The following PHACTR2 variants were observed in gnomAD, a reference collection of about 807,000 sequenced individuals.
PHACTR2 encodes the protein chromosome 6 open reading frame 56.
Under a neutral mutation model 76.0 loss-of-function variants are expected in PHACTR2, and 30 were observed. The observed-to-expected ratio is 0.39, with a 90% CI of 0.30 to 0.54. The LOEUF (loss-of-function observed/expected upper bound fraction) is 0.54. PHACTR2 is among the 20% of genes least tolerant of loss of function. PHACTR2 has a pLI of 0.61. For missense variants in PHACTR2, 696 were observed against 781.1 expected (o/e 0.89, Z 1.30); for synonymous variants, 292 against 292.5 (o/e 1.00, Z 0.02).
intron 1 of PHACTR2, among the ~76,000 whole-genome samples, chr6:143,590,798 G>A (rs944512715): frequency 6.6e-6 from 1 of 152,114 alleles, no homozygotes; most frequent in African/African-American, 2.4e-5. Flanking sequence ...CAGGCCTCTA[G>A]ACCCTTCCCT....
chr6:143,790,619 T>C (rs972790660), intron 11 of PHACTR2, among the ~76,000 whole-genome samples: 1 of 152,172 alleles, frequency 6.6e-6, no homozygotes, highest in African/African-American at 2.4e-5. Flanking sequence ...TTCTGATTCA[T>C]AGGAGTTCTT....
chr6:143,724,890 T>G (rs1293925630), intron 2 of PHACTR2, among the ~76,000 whole-genome samples: 1 of 152,248 alleles, frequency 6.6e-6, no homozygotes, highest in African/African-American at 2.4e-5. Context: ...GTATTCATTC[T>G]GACAGCTCCA....
At chr6:143,665,049 T>G (rs1221051965) in intron 1 of PHACTR2, among the ~76,000 whole-genome samples, 1 of 152,136 alleles carries the variant, frequency 6.6e-6, no homozygotes, top group Non-Finnish European at 1.5e-5. Flanking sequence ...TCTGCCAGCC[T>G]CGGCCTCCCA....
rs1777299262 is a variant in PHACTR2 at position 143,678,293 on chromosome 6, T to C, written c.46+84T>C. ...GCCCCGGGGCAGGCAGGGTTAGTCGTCTGGTCGGGTTCCGCTCGGACCCGC... is the reference window on the plus strand; with the variant it reads ...GCCCCGGGGCAGGCAGGGTTAGTCGCCTGGTCGGGTTCCGCTCGGACCCGC... On this transcript the variant is annotated intron_variant, in intron 1 of 12. Coordinates refer to ENST00000440869, the MANE Select transcript of PHACTR2 (RefSeq NM_001100164.2). The surrounding 1 kb of genome is among the most constrained non-coding windows in gnomAD (Gnocchi z 6.2). The C allele has an allele frequency of 3.1e-6, 4 of 1,286,500 alleles. No individual in the cohort carries two copies. The South Asian group carries it at 7.1e-5, about 23-fold the overall frequency. The allele number at this position is 1,286,500 out of a possible 1,614,324, so 79.7% of individuals were successfully genotyped here.
rs1174842518 is a variant in PHACTR2, at chr6:143,654,451, A to G, written c.13+46129A>G. Among the ~76,000 whole-genome samples, 3 of 152,176 alleles carry G rather than the reference A, an allele frequency of 2.0e-5. No homozygotes were observed. The highest frequency in any genetic ancestry group is 1.3e-4 in the Admixed American group (2 of 15,264). On this transcript the variant is annotated intron_variant, in intron 1 of 11. Coordinates refer to the PHACTR2 transcript ENST00000305766. This position sits in a 1 kb window ranked among gnomAD's most constrained non-coding sequence, Gnocchi z 4.6. Reference sequence around the variant, plus strand: ...TGGAAACAACCCAAATGTTCATCAAACTGATGAATTCGTAAATAAAATATA... The same window carrying G: ...TGGAAACAACCCAAATGTTCATCAAGCTGATGAATTCGTAAATAAAATATA...
rs577491461 is a variant in PHACTR2 at position 143,733,526 on chromosome 6, G to A, written c.215-15459G>A. Among the ~76,000 whole-genome samples the A allele has an allele frequency of 4.6e-5, 7 of 152,276 alleles. No homozygotes were observed. The East Asian group carries it at 9.6e-4, about 21-fold the overall frequency. On this transcript the variant is annotated intron_variant, in intron 2 of 12. Coordinates refer to ENST00000440869, the MANE Select transcript of PHACTR2 (RefSeq NM_001100164.2). The surrounding 1 kb of genome is among the most constrained non-coding windows in gnomAD (Gnocchi z 4.0). ...GGAAAGTGCTGGATTTGGGGTGAGG[G>A]GTAGGGAATGACTGCTTGTTTTCAA...
chr6:143,738,941 C>T lies in PHACTR2; in HGVS notation c.215-10044C>T, dbSNP rs1474697572. Among the ~76,000 whole-genome samples, 1 of 152,124 alleles carries T rather than the reference C, an allele frequency of 6.6e-6. No individual in the cohort carries two copies. Among genetic ancestry groups the T allele is most frequent in the African/African-American group, 2.4e-5 (1 of 41,402 alleles). On this transcript the variant is annotated intron_variant, in intron 2 of 12. Transcript: ENST00000440869. This position sits in a 1 kb window ranked among gnomAD's most constrained non-coding sequence, Gnocchi z 4.0. ...TGAAATGTGTAGATTGAAAGCAGAT[C>T]ATGGAGAAGGGTGTTAGAAGTTCAG...
rs1466509317 is a variant in PHACTR2 at position 143,783,255 on chromosome 6, A to T, written c.1682A>T (p.Glu561Val). Reference sequence around the variant, plus strand: ...GAAGAGGAACAAGAAGCAAAAATGGAACTTAAACGCAGACTCAGCAGAAAG... The same window carrying T: ...GAAGAGGAACAAGAAGCAAAAATGGTACTTAAACGCAGACTCAGCAGAAAG... ...NEEEEQEAKM[E>V]LKRRLSRKLS... Residue 561 changes from glutamate to valine, a missense_variant, in exon 10 of 13, where the codon GAA becomes GTA. By Grantham distance (121) the Glu-to-Val change is moderately radical. Around this residue, in one of 2 missense-constraint regions of PHACTR2, gnomAD observed 236 missense variants for 330.2 expected, o/e 0.71. Transcript: ENST00000440869. The surrounding 1 kb of genome is among the most constrained non-coding windows in gnomAD (Gnocchi z 5.2). 3.1e-6 allele frequency: 5 copies of T among 1,609,666 alleles called. No homozygotes were observed. Among genetic ancestry groups the T allele is most frequent in the Non-Finnish European group, 4.3e-6 (5 of 1,176,402 alleles).
rs1265344691 is a variant in PHACTR2 at position 143,760,602 on chromosome 6, C to T, written c.656C>T (p.Pro219Leu). Reference protein sequence around the residue: ...KAPGKQAPVPPPKPASRNTTR... With the variant: ...KAPGKQAPVPLPKPASRNTTR... Reference sequence around the variant, plus strand: ...CCTGGTAAGCAGGCCCCCGTCCCTCCACCCAAGCCAGCAAGCCGAAACACG... The same window carrying T: ...CCTGGTAAGCAGGCCCCCGTCCCTCTACCCAAGCCAGCAAGCCGAAACACG... The change falls in exon 5 of 13, where the codon CCA (proline) becomes CTA (leucine). Residue 219 changes from proline to leucine, a missense_variant. Pro to Leu is a moderately conservative substitution (Grantham distance 98). Coordinates refer to ENST00000440869, the MANE Select transcript of PHACTR2 (RefSeq NM_001100164.2). The surrounding 1 kb of genome is among the most constrained non-coding windows in gnomAD (Gnocchi z 6.4). 2 of 1,613,820 alleles carry T rather than the reference C, an allele frequency of 1.2e-6. No homozygotes were observed. Among genetic ancestry groups the T allele is most frequent in the Non-Finnish European group, 1.7e-6 (2 of 1,179,872 alleles).
Position 143,765,279 on chromosome 6 carries a change from A to T in PHACTR2, c.713A>T (p.Lys238Ile). 1 of 1,612,410 alleles carries T rather than the reference A, an allele frequency of 6.2e-7. No individual in the cohort carries two copies. Among genetic ancestry groups the T allele is most frequent in the Non-Finnish European group, 8.5e-7 (1 of 1,179,398 alleles). Residue 238 changes from lysine to isoleucine, a missense_variant, in exon 6 of 13, where the codon AAA becomes ATA. Coordinates refer to ENST00000440869, the MANE Select transcript of PHACTR2 (RefSeq NM_001100164.2). This position sits in a 1 kb window ranked among gnomAD's most constrained non-coding sequence, Gnocchi z 4.1. ...TREAAGSSHSKKTTGSKASAS... is the reference protein window; with the variant it reads ...TREAAGSSHSIKTTGSKASAS... Reference sequence around the variant, plus strand: ...ATTGTAGCTGGCTCCTCTCATTCAAAAAAAACAACTGGCTCTAAAGCATCA... The same window carrying T: ...ATTGTAGCTGGCTCCTCTCATTCAATAAAAACAACTGGCTCTAAAGCATCA...
At chr6:143,628,465 A>G (rs1234517084) in intron 1 of PHACTR2, among the ~76,000 whole-genome samples, 5 of 152,252 alleles carry the variant, frequency 3.3e-5, no homozygotes, top group Middle Eastern at 3.4e-3. Flanking sequence ...GGCTGCTGGC[A>G]TTCCCTAGCC....
chr6:143,774,060 T>C lies in PHACTR2; in HGVS notation c.1434T>C (p.Ser478=). The C allele has an allele frequency of 6.2e-7, 1 of 1,613,256 alleles. No individual in the cohort carries two copies. Among genetic ancestry groups the C allele is most frequent in the Non-Finnish European group, 8.5e-7 (1 of 1,179,612 alleles). Residue 478 remains serine, a splice_region_variant and synonymous_variant, in exon 8 of 13, where the codon AGT becomes AGC. Transcript: ENST00000440869. The surrounding 1 kb of genome is among the most constrained non-coding windows in gnomAD (Gnocchi z 5.4). The part of the protein sequence containing the change: ...EDEDEDGSGE[S]ALASKIRRRD... ...TTTCTGCTCTTTTTCAATCCTCAGG[T>C]GCTTTGGCAAGTAAAATACGCCGGA...
Position 143,826,576 on chromosome 6 carries a change from C to A in PHACTR2, c.*2887C>A, listed in dbSNP as rs1776534027. 1 of 132,590 alleles carries A rather than the reference C, an allele frequency of 7.5e-6. No homozygotes were observed. Among genetic ancestry groups the A allele is most frequent in the African/African-American group, 3.3e-5 (1 of 30,744 alleles). The allele number at this position is 132,590 out of a possible 1,614,324, so 8.2% of individuals were successfully genotyped here. ...TAGACAGATGTAGAAACCAAAGTGA[C>A]CATTTTAGTTTTTTTATTGGAGAAT... On this transcript the variant is annotated 3_prime_UTR_variant, in exon 13 of 13. Transcript: ENST00000440869.
chr6:143,693,887 G>A (rs974446021), intron 1 of PHACTR2, among the ~76,000 whole-genome samples: 3 of 152,122 alleles, frequency 2.0e-5, no homozygotes, highest in African/African-American at 7.2e-5. Context: ...TGGGCAATGT[G>A]GCGAAACCCG....
chr6:143,682,757 C>CAA (rs148914688), intron 1 of PHACTR2, among the ~76,000 whole-genome samples: 3 of 151,160 alleles, frequency 2.0e-5, no homozygotes, highest in African/African-American at 4.9e-5. Context: ...CCTGATCTAA[C>CAA]AAAAAAAGTT....
chr6:143,643,754 TC>T (rs892578464), intron 1 of PHACTR2, among the ~76,000 whole-genome samples: 1 of 152,246 alleles, frequency 6.6e-6, no homozygotes, highest in Admixed American at 6.5e-5. Context: ...TTAATCTAGC[TC>T]TTTAGATTGT....
intron 2 of PHACTR2, among the ~76,000 whole-genome samples, chr6:143,735,239 A>G (rs914673763): frequency 1.3e-5 from 2 of 152,192 alleles, no homozygotes; most frequent in African/African-American, 2.4e-5. Context: ...GTGTTTACTT[A>G]GTACCCATAA....
At chr6:143,626,047 G>T (rs562156199) in intron 1 of PHACTR2, among the ~76,000 whole-genome samples, 4 of 152,282 alleles carry the variant, frequency 2.6e-5, no homozygotes, top group Non-Finnish European at 5.9e-5. Context: ...AGTTTCAGGT[G>T]AACGCTATTT....
rs1777892824 is a variant in PHACTR2 at position 143,700,808 on chromosome 6, T to C, written c.47-11208T>C. Among the ~76,000 whole-genome samples the C allele has an allele frequency of 6.6e-6, 1 of 152,194 alleles. No individual in the cohort carries two copies. The highest frequency in any genetic ancestry group is 1.5e-5 in the Non-Finnish European group (1 of 68,034). On this transcript the variant is annotated intron_variant, in intron 1 of 12. Coordinates refer to ENST00000440869, the MANE Select transcript of PHACTR2 (RefSeq NM_001100164.2). The surrounding 1 kb of genome is among the most constrained non-coding windows in gnomAD (Gnocchi z 4.1). ...AGCACACACTCTACACACCATGACC[T>C]GCTCCACTTCAGACTCCGGGAGTTG...
Sources: allele counts gnomAD v4.1 joint callset (sites outside exome capture counted in the v4.1 genomes callset), GRCh38; gene constraint gnomAD v4.1.1; regional missense constraint gnomAD v4.1.1; non-coding constraint Gnocchi (gnomAD v3.1); transcripts MANE v1.5; gene names NCBI Gene and HGNC (gene_info 2026-07-23, HGNC 2026-07-21).